The following CDH22 variants were observed in gnomAD, a reference collection of about 807,000 sequenced individuals.
CDH22 encodes cadherin 22, also known as cadherin-22.
A neutral mutation model predicts 58.4 loss-of-function variants in CDH22; 30 were observed. That is an observed-to-expected ratio of 0.51 (90% CI 0.38 to 0.70). CDH22 has a LOEUF of 0.70. CDH22 is among the 30% of genes least tolerant of loss of function. The pLI is 0.00. For missense variants in CDH22, 1,014 were observed against 1,233.9 expected (o/e 0.82, Z 2.67); for synonymous variants, 513 against 558.2 (o/e 0.92, Z 1.14).
intron 1 of CDH22, among the ~76,000 whole-genome samples, chr20:46,256,500 G>T (rs1459550081): frequency 2.0e-5 from 3 of 152,186 alleles, no homozygotes; most frequent in Non-Finnish European, 4.4e-5. Context: ...CCTGAGGTCA[G>T]CAGCATGTGT....
At chr20:46,229,067 A>G (rs936680195) in intron 3 of CDH22, among the ~76,000 whole-genome samples, 4 of 151,976 alleles carry the variant, frequency 2.6e-5, no homozygotes, top group African/African-American at 9.7e-5. Context: ...GCTCCATGTC[A>G]ACCATGTCAG....
intron 7 of CDH22, among the ~76,000 whole-genome samples, chr20:46,207,664 G>A (rs1298673769): frequency 6.6e-6 from 1 of 152,200 alleles, no homozygotes; most frequent in East Asian, 1.9e-4. Context: ...TGCCTCTGAG[G>A]CCCTGTTAGA....
chr20:46,246,628 G>C (rs2086331058), intron 2 of CDH22, among the ~76,000 whole-genome samples: 1 of 152,156 alleles, frequency 6.6e-6, no homozygotes, highest in South Asian at 2.1e-4. Context: ...GGAAGGAGCT[G>C]TTTGTGTGGG....
intron 1 of CDH22, among the ~76,000 whole-genome samples, chr20:46,271,193 C>T (rs1192377961): frequency 6.6e-6 from 1 of 152,130 alleles, no homozygotes; most frequent in African/African-American, 2.4e-5. Flanking sequence ...CCATCACAGC[C>T]CTCCAAGGTA....
At chr20:46,198,473 T>C (rs2085926922) in intron 8 of CDH22, among the ~76,000 whole-genome samples, 1 of 151,958 alleles carries the variant, frequency 6.6e-6, no homozygotes, top group South Asian at 2.1e-4. Flanking sequence ...TCTCACCTCC[T>C]CCTCCCCTCC....
chr20:46,241,222 G>A lies in CDH22; in HGVS notation c.291C>T (p.Ile97=). Residue 97 remains isoleucine (I), a synonymous_variant, in exon 3 of 12, where the codon ATC becomes ATT. Transcript: ENST00000537909. The surrounding 1 kb of genome is among the most constrained non-coding windows in gnomAD (Gnocchi z 5.2). ...HSDSDEGDGA[I]KYTISGEGAG... is the part of the protein sequence containing the mutation. Reference sequence around the variant, plus strand: ...CACCCTCGCCTGAGATGGTGTACTTGATGGCCCCGTCACCCTCGTCTGAGT... The same window carrying A: ...CACCCTCGCCTGAGATGGTGTACTTAATGGCCCCGTCACCCTCGTCTGAGT... 1.2e-6 allele frequency: 2 copies of A among 1,612,464 alleles called. No homozygotes were observed. The highest frequency in any genetic ancestry group is 1.7e-6 in the Non-Finnish European group (2 of 1,178,808).
At chr20:46,236,235 G>T (rs1009773217) in intron 3 of CDH22, among the ~76,000 whole-genome samples, 1 of 151,916 alleles carries the variant, frequency 6.6e-6, no homozygotes, top group East Asian at 1.9e-4. Context: ...CGCTGGGGGG[G>T]ACAAGGGCAG....
intron 8 of CDH22, among the ~76,000 whole-genome samples, chr20:46,196,003 T>C (rs2085898666): frequency 6.6e-6 from 1 of 152,146 alleles, no homozygotes; most frequent in Admixed American, 6.5e-5. Flanking sequence ...CCTCTGAGTT[T>C]CCCTTCTGTT....
At chr20:46,181,719 CCT>C (rs2085786693) in intron 10 of CDH22, among the ~76,000 whole-genome samples, 1 of 42,710 alleles carries the variant, frequency 2.3e-5, no homozygotes, top group Admixed American at 2.5e-4. Flanking sequence ...TTCTTTTTTT[CCT>C]TCCTTCCTTC....
chr20:46,304,508 G>A (rs937995043), intron 1 of CDH22, among the ~76,000 whole-genome samples: 4 of 152,212 alleles, frequency 2.6e-5, no homozygotes, highest in Non-Finnish European at 5.9e-5. Context: ...ATGCCTACGC[G>A]CTTAATCATC....
At chr20:46,287,300 G>C (rs998382178) in intron 1 of CDH22, among the ~76,000 whole-genome samples, 5 of 152,200 alleles carry the variant, frequency 3.3e-5, no homozygotes, top group Non-Finnish European at 5.9e-5. Flanking sequence ...TTACTATGGA[G>C]TAAGAAGTAC....
At chr20:46,178,309 G>C in intron 10 of CDH22, 112 bp from the exon 11 acceptor site, 1 of 1,185,286 alleles carries the variant, frequency 8.4e-7, no homozygotes, top group Non-Finnish European at 1.2e-6. Context: ...CCAAACTACA[G>C]CCTCCCAATG....
At chr20:46,207,748 A>G (rs1489312454) in intron 7 of CDH22, among the ~76,000 whole-genome samples, 2 of 150,498 alleles carry the variant, frequency 1.3e-5, no homozygotes, top group Non-Finnish European at 1.5e-5. Context: ...CACACCAACC[A>G]CTCCTCTGCC....
chr20:46,210,307 C>G lies in CDH22; in HGVS notation c.1286G>C (p.Arg429Pro). The G allele has an allele frequency of 7.0e-7, 1 of 1,428,914 alleles. No individual in the cohort carries two copies. Among genetic ancestry groups the G allele is most frequent in the Non-Finnish European group, 9.1e-7 (1 of 1,097,632 alleles). The allele number at this position is 1,428,914 out of a possible 1,614,324, so 88.5% of individuals were successfully genotyped here. ...CGTCGGCCCCGGGCGGGGGTCTCAC[C>G]GGACGGGCCGGTTGGCGGCGTCGGG... ...RDPDAANRPVRYAIDRESDLD... is the reference protein window; with the variant it reads ...RDPDAANRPVPYAIDRESDLD... Residue 429 changes from arginine (R) to proline (P), a missense_variant and splice_region_variant, in exon 7 of 12, where the codon CGG (arginine) becomes CCG (proline). Physicochemically the swap from Arg to Pro is moderately radical, Grantham distance 103. Transcript: ENST00000537909. This position sits in a 1 kb window ranked among gnomAD's most constrained non-coding sequence, Gnocchi z 4.5.
Position 46,216,616 on chromosome 20 carries a change from C to G in CDH22, c.838+210G>C, listed in dbSNP as rs2086086984. 6.6e-6 allele frequency among the ~76,000 whole-genome samples: 1 copy of G among 152,100 alleles called. No individual in the cohort carries two copies. Among genetic ancestry groups the G allele is most frequent in the African/African-American group, 2.4e-5 (1 of 41,396 alleles). On this transcript the variant is annotated intron_variant, in intron 5 of 11. Coordinates refer to ENST00000537909, the MANE Select transcript of CDH22 (RefSeq NM_021248.3). This position sits in a 1 kb window ranked among gnomAD's most constrained non-coding sequence, Gnocchi z 5.3. ...TTACTTGGCTCTGTGGAGCATCGGA[C>G]AGCCCTGGGGTCTTCCTTGGTAGGA...
At chr20:46,197,115 A>G (rs919127685) in intron 8 of CDH22, among the ~76,000 whole-genome samples, 1 of 152,104 alleles carries the variant, frequency 6.6e-6, no homozygotes, top group Non-Finnish European at 1.5e-5. Flanking sequence ...AAGGGAGGCC[A>G]TGCAGCAATG....
chr20:46,290,549 A>G (rs544497222), intron 1 of CDH22, among the ~76,000 whole-genome samples: 1 of 152,282 alleles, frequency 6.6e-6, no homozygotes. Flanking sequence ...AGGAGTCAGG[A>G]TATGAGTGTT....
rs2085713618 is a variant in CDH22, at chr20:46,173,859, C to T, written c.*647G>A. 1 of 152,548 alleles carries T rather than the reference C, an allele frequency of 6.6e-6. No individual in the cohort carries two copies. The allele number at this position is 152,548 out of a possible 1,614,324, so 9.4% of individuals were successfully genotyped here. ...TTCGAGGTAGGTTCTGTTATTAACC[C>T]CATTTGACAGATGAGGAAACTGAGG... On this transcript the variant is annotated 3_prime_UTR_variant, in exon 12 of 12. Coordinates refer to ENST00000537909, the MANE Select transcript of CDH22 (RefSeq NM_021248.3).
intron 1 of CDH22, among the ~76,000 whole-genome samples, chr20:46,280,218 G>C (rs1192116685): frequency 6.6e-6 from 1 of 152,176 alleles, no homozygotes; most frequent in Non-Finnish European, 1.5e-5. Flanking sequence ...TCAGGTGTTT[G>C]AGACCAGCCT....
Sources: allele counts gnomAD v4.1 joint callset (sites outside exome capture counted in the v4.1 genomes callset), GRCh38; gene constraint gnomAD v4.1.1; non-coding constraint Gnocchi (gnomAD v3.1); transcripts MANE v1.5; gene names NCBI Gene and HGNC (gene_info 2026-07-23, HGNC 2026-07-21).